Variants in JAM2 observed in about 807,000 individuals in gnomAD.
The protein encoded by JAM2 is junctional adhesion molecule B.
A neutral mutation model predicts 42.0 loss-of-function variants in JAM2; 17 were observed. That is an observed-to-expected ratio of 0.40 (90% confidence interval 0.28 to 0.61). JAM2 has a LOEUF of 0.61. Ranked by LOEUF, JAM2 falls within the 20% of genes least tolerant of loss-of-function variation. The pLI, the probability that JAM2 is intolerant of heterozygous loss-of-function variation, is 0.37. For synonymous variants in JAM2, 118 were observed against 128.6 expected (o/e 0.92, Z 0.56); for missense variants, 319 against 358.3 (o/e 0.89, Z 0.89).
intron 4 of JAM2, among the ~76,000 whole-genome samples, chr21:25,694,472 G>A (rs1413262181): frequency 6.6e-6 from 1 of 152,188 alleles, no homozygotes; most frequent in East Asian, 1.9e-4. Flanking sequence ...GCTAGAAAGT[G>A]TCTGGACTAA....
intron 1 of JAM2, among the ~76,000 whole-genome samples, chr21:25,681,473 A>C (rs776062955): frequency 2.3e-4 from 35 of 152,188 alleles, no homozygotes; most frequent in Non-Finnish European, 3.8e-4. Context: ...AGATCTCGTG[A>C]GAACTCACTC....
At chr21:25,667,410 T>G (rs1445300882) in intron 1 of JAM2, among the ~76,000 whole-genome samples, 1 of 152,230 alleles carries the variant, frequency 6.6e-6, no homozygotes, top group Non-Finnish European at 1.5e-5. Context: ...CGGCATTTTA[T>G]CTCTTACATT....
At chr21:25,660,219 C>G (rs1423603280) in intron 1 of JAM2, among the ~76,000 whole-genome samples, 1 of 152,078 alleles carries the variant, frequency 6.6e-6, no homozygotes, top group Non-Finnish European at 1.5e-5. Context: ...TGCACCCAGC[C>G]CCTCTTATAG....
rs183517087 is a variant in JAM2, at chr21:25,658,143, C to G, written c.67+18255C>G. Among the ~76,000 whole-genome samples the G allele has an allele frequency of 1.4e-3, 217 of 152,182 alleles. 1 individual carries two copies. The highest frequency in any genetic ancestry group is 2.7e-3 in the Non-Finnish European group (184 of 67,978). On this transcript the variant is annotated intron_variant, in intron 1 of 9. Coordinates refer to ENST00000480456, the MANE Select transcript of JAM2 (RefSeq NM_021219.4). ...TTAGGTAATGAGATCCAGGATTAAA[C>G]TGGAGGCTGTCAAAATCGTTTAGGA... is the stretch of plus-strand genomic sequence containing the variant.
intron 9 of JAM2, among the ~76,000 whole-genome samples, chr21:25,712,728 A>G (rs1357581201): frequency 2.0e-5 from 3 of 152,186 alleles, no homozygotes; most frequent in African/African-American, 7.2e-5. Flanking sequence ...CTTACAGGGT[A>G]ACAGTGGTGG....
rs2033874443 is a variant in JAM2 at position 25,691,246 on chromosome 21, CAAGAT to C, written c.241+1278_241+1282del. Among the ~76,000 whole-genome samples, 9 of 152,332 alleles carry C rather than the reference CAAGAT, an allele frequency of 5.9e-5. No homozygotes were observed. In the South Asian group the frequency reaches 1.9e-3, roughly 32 times the overall value. ...AATATCTGCTCAAGTTCTTATCTGTCAAGATAAGACTACTAGCTGTAAGGTGTTAA... is the reference window on the plus strand; with the variant it reads ...AATATCTGCTCAAGTTCTTATCTGTCAAGACTACTAGCTGTAAGGTGTTAA... On this transcript the variant is annotated intron_variant, in intron 3 of 9. Coordinates refer to ENST00000480456, the MANE Select transcript of JAM2 (RefSeq NM_021219.4).
intron 1 of JAM2, among the ~76,000 whole-genome samples, chr21:25,650,925 A>G (rs2829842): frequency 0.33 from 50,829 of 151,864 alleles, 10,210 homozygotes; most frequent in East Asian, 0.65. Context: ...TGCTTAATCA[A>G]TATTGTTACA....
intron 1 of JAM2, among the ~76,000 whole-genome samples, chr21:25,664,920 C>T (rs1018082903): frequency 3.9e-5 from 6 of 152,148 alleles, no homozygotes; most frequent in Admixed American, 3.3e-4. Flanking sequence ...ATGTCAATGG[C>T]CAGTCTGAGG....
intron 1 of JAM2, among the ~76,000 whole-genome samples, chr21:25,657,178 A>C (rs2032960798): frequency 6.6e-6 from 1 of 151,768 alleles, no homozygotes; most frequent in Non-Finnish European, 1.5e-5. Flanking sequence ...AGCCTGTGCT[A>C]ATTTATTTAT....
chr21:25,663,184 G>T (rs900104085), intron 1 of JAM2, among the ~76,000 whole-genome samples: 5 of 152,296 alleles, frequency 3.3e-5, no homozygotes, highest in African/African-American at 1.2e-4. Context: ...TGAACATAGG[G>T]TTTGTAAGGG....
chr21:25,698,978 G>T, intron 5 of JAM2, 99 bp downstream of exon 5: 1 of 1,072,008 alleles, frequency 9.3e-7, no homozygotes, highest in African/African-American at 1.6e-5. Flanking sequence ...TGATACCATT[G>T]CTTGCTAAGT....
chr21:25,676,542 A>T (rs1355802951), intron 1 of JAM2, among the ~76,000 whole-genome samples: 1 of 152,180 alleles, frequency 6.6e-6, no homozygotes, highest in Non-Finnish European at 1.5e-5. Flanking sequence ...ACTGGGAATT[A>T]TTTGACTTGG....
In JAM2 at chr21:25,645,167, C is replaced by G. The variant is rs144023057; in HGVS notation, c.67+5279C>G. On this transcript the variant is annotated intron_variant, in intron 1 of 9. Coordinates refer to ENST00000480456, the MANE Select transcript of JAM2 (RefSeq NM_021219.4). ...AAGTGCTGGGATTACAGGCGTGAGC[C>G]ACCGCGCCTGGCCTAAAGCTATATT... Among the ~76,000 whole-genome samples the G allele has an allele frequency of 2.0e-5, 3 of 152,328 alleles. No individual in the cohort carries two copies. In the South Asian group the frequency reaches 6.2e-4, roughly 32 times the overall value.
In JAM2 at chr21:25,689,894, G is replaced by A. The variant is rs1158117632; in HGVS notation, c.162G>A (p.Lys54=). 2 of 1,613,508 alleles carry A rather than the reference G, an allele frequency of 1.2e-6. No homozygotes were observed. The highest frequency in any genetic ancestry group is 2.7e-5 in the African/African-American group (2 of 74,926). The change falls in exon 3 of 10, where the codon AAG becomes AAA. Residue 54 remains lysine (K), a synonymous_variant. Coordinates refer to ENST00000480456, the MANE Select transcript of JAM2 (RefSeq NM_021219.4). ...QEAILACKTP[K]KTVSSRLEWK... is the part of the protein sequence containing the mutation. ...CTATTTTAGCCTGCAAAACCCCAAA[G>A]AAGACTGTTTCCTCCAGATTAGAGT... is the stretch of plus-strand genomic sequence containing the variant.
chr21:25,694,817 G>C (rs538478870), intron 4 of JAM2, among the ~76,000 whole-genome samples: 3 of 149,004 alleles, frequency 2.0e-5, no homozygotes, highest in Non-Finnish European at 3.0e-5. Context: ...TTTAACCTGG[G>C]AGACAGCAGG....
chr21:25,700,642 GAGCCACCGTACCC>G (rs1469853428), intron 5 of JAM2, among the ~76,000 whole-genome samples: 3 of 152,188 alleles, frequency 2.0e-5, no homozygotes, highest in Admixed American at 2.0e-4. Flanking sequence ...TTACAGCTGT[GAGCCACCGTACCC>G]AGCCAATTTT....
intron 1 of JAM2, among the ~76,000 whole-genome samples, chr21:25,676,010 G>A (rs189679137): frequency 4.6e-5 from 7 of 152,072 alleles, no homozygotes; most frequent in Middle Eastern, 6.8e-3. Context: ...ACTTCAGGCC[G>A]GGTGCAGTGG....
chr21:25,689,038 A>G (rs572064061), intron 2 of JAM2, among the ~76,000 whole-genome samples: 46 of 150,018 alleles, frequency 3.1e-4, no homozygotes, highest in Middle Eastern at 3.4e-3. Context: ...TTTTTCTCTC[A>G]GACATCTCGT....
chr21:25,715,387 T>C lies in JAM2; in HGVS notation c.*715T>C, dbSNP rs1358683544. The C allele has an allele frequency of 6.6e-6, 1 of 152,226 alleles. No homozygotes were observed. The highest frequency in any genetic ancestry group is 2.4e-5 in the African/African-American group (1 of 41,456). The allele number at this position is 152,226 out of a possible 1,614,324, so 9.4% of individuals were successfully genotyped here. ...AAACCCAAGTGGCTTATTTCACCCC[T>C]ACTGCTGCTTGCCACTGCTTCCTTC... On this transcript the variant is annotated 3_prime_UTR_variant, in exon 10 of 10. Coordinates refer to ENST00000480456, the MANE Select transcript of JAM2 (RefSeq NM_021219.4).
Sources: gnomAD v4.1 joint callset for allele counts (sites outside exome capture counted in the v4.1 genomes callset) on GRCh38, gnomAD v4.1.1 for gene constraint, MANE v1.5 for transcripts, NCBI Gene and HGNC (gene_info 2026-07-23, HGNC 2026-07-21) for gene names.